The following CDKAL1 variants were observed in gnomAD, a reference collection of about 807,000 sequenced individuals.
CDKAL1 encodes CDKAL1 threonylcarbamoyladenosine tRNA methylthiotransferase.
CDKAL1 carries 32 observed loss-of-function variants against 68.2 expected under a neutral mutation model. That is an observed-to-expected ratio of 0.47 (90% CI 0.35 to 0.63). The LOEUF is 0.63. Ranked by LOEUF, CDKAL1 falls within the 30% of genes least tolerant of loss-of-function variation. The pLI is 0.00. For synonymous variants in CDKAL1, 234 were observed against 244.3 expected (o/e 0.96, Z 0.39); for missense variants, 606 against 696.7 (o/e 0.87, Z 1.47).
intron 10 of CDKAL1, among the ~76,000 whole-genome samples, chr6:20,983,013 T>C (rs1466657107): frequency 6.6e-6 from 1 of 152,204 alleles, no homozygotes; most frequent in Non-Finnish European, 1.5e-5. Flanking sequence ...AATCTCAAGA[T>C]ACTCTGACAA....
At chr6:21,081,693 T>G (rs1261698185) in intron 12 of CDKAL1, among the ~76,000 whole-genome samples, 1 of 151,186 alleles carries the variant, frequency 6.6e-6, no homozygotes, top group Non-Finnish European at 1.5e-5. Flanking sequence ...TGCCTCAGCC[T>G]CCCAAGTAGC....
chr6:20,876,941 T>A (rs1250279514), intron 9 of CDKAL1, among the ~76,000 whole-genome samples: 1 of 152,230 alleles, frequency 6.6e-6, no homozygotes, highest in Non-Finnish European at 1.5e-5. Flanking sequence ...TATTATAAAT[T>A]TAAATGCTAA....
At chr6:20,568,430 A>G (rs987464149) in intron 4 of CDKAL1, among the ~76,000 whole-genome samples, 7 of 152,052 alleles carry the variant, frequency 4.6e-5, no homozygotes, top group Non-Finnish European at 8.8e-5. Flanking sequence ...TAAGGTAAAT[A>G]AAGTACTATA....
In CDKAL1 at chr6:20,539,679, AG is replaced by A. The variant is rs1763312942; in HGVS notation, c.-6+4287del. ...CCTGCATGACTGAGGGGAGCGTGGTAGGAAGTGGGGCCAGAGATGCAGCAGG... is the reference window on the plus strand; with the variant it reads ...CCTGCATGACTGAGGGGAGCGTGGTAGAAGTGGGGCCAGAGATGCAGCAGG... On this transcript the variant is annotated intron_variant, in intron 2 of 15. Transcript: ENST00000274695. This position sits in a 1 kb window ranked among gnomAD's most constrained non-coding sequence, Gnocchi z 4.3. Among the ~76,000 whole-genome samples, 2 of 152,166 alleles carry A rather than the reference AG, an allele frequency of 1.3e-5. No individual in the cohort carries two copies. Among genetic ancestry groups the A allele is most frequent in the Admixed American group, 6.5e-5 (1 of 15,272 alleles).
At chr6:21,150,146 C>T (rs918018512) in intron 13 of CDKAL1, among the ~76,000 whole-genome samples, 1 of 152,212 alleles carries the variant, frequency 6.6e-6, no homozygotes. Flanking sequence ...GCGGGAGCCA[C>T]CGCACCTGGC....
intron 13 of CDKAL1, among the ~76,000 whole-genome samples, chr6:21,154,975 G>A (rs1424767613): frequency 1.3e-5 from 2 of 149,996 alleles, no homozygotes; most frequent in African/African-American, 5.0e-5. Context: ...TGGCCACAGA[G>A]CGAGACTCCG....
intron 10 of CDKAL1, among the ~76,000 whole-genome samples, chr6:20,973,639 C>T (rs1030021322): frequency 6.6e-6 from 1 of 152,196 alleles, no homozygotes; most frequent in Non-Finnish European, 1.5e-5. Flanking sequence ...GGGCCTTGCT[C>T]TGTCACCCAG....
chr6:21,100,158 C>A (rs779975981), intron 12 of CDKAL1, among the ~76,000 whole-genome samples: 1 of 152,070 alleles, frequency 6.6e-6, no homozygotes, highest in African/African-American at 2.4e-5. Context: ...GTTGCAACTT[C>A]CTTCCTCTAA....
At chr6:20,727,367 G>A (rs940146998) in intron 5 of CDKAL1, among the ~76,000 whole-genome samples, 1 of 152,154 alleles carries the variant, frequency 6.6e-6, no homozygotes, top group Non-Finnish European at 1.5e-5. Context: ...TGGATATACA[G>A]GGTTTAACAA....
At chr6:20,538,779 C>T (rs1476585561) in intron 2 of CDKAL1, among the ~76,000 whole-genome samples, 1 of 152,184 alleles carries the variant, frequency 6.6e-6, no homozygotes, top group Non-Finnish European at 1.5e-5. Context: ...GCATTTACTT[C>T]AGCTTCCCAC....
chr6:21,204,837 A>G (rs1260329186), intron 15 of CDKAL1, among the ~76,000 whole-genome samples: 1 of 152,208 alleles, frequency 6.6e-6, no homozygotes, highest in Non-Finnish European at 1.5e-5. Flanking sequence ...ACTCATTTGT[A>G]AGTGTATAGT....
chr6:21,102,972 C>T (rs1164325543), intron 12 of CDKAL1, among the ~76,000 whole-genome samples: 2 of 152,174 alleles, frequency 1.3e-5, no homozygotes, highest in African/African-American at 4.8e-5. Context: ...CTTCTTACCA[C>T]GAAGTATGAT....
chr6:20,635,959 C>A lies in CDKAL1; in HGVS notation c.287-13334C>A, dbSNP rs143786280. ...ATATGGTAGGGTAAAAGAGTGTGATCTAATGGTAGTAAACTGGGGGAAACA... is the reference window on the plus strand; with the variant it reads ...ATATGGTAGGGTAAAAGAGTGTGATATAATGGTAGTAAACTGGGGGAAACA... On this transcript the variant is annotated intron_variant, in intron 4 of 15. Transcript: ENST00000274695. Among the ~76,000 whole-genome samples the A allele has an allele frequency of 5.7e-4, 86 of 152,196 alleles. 1 individual carries two copies. The highest frequency in any genetic ancestry group is 2.0e-3 in the African/African-American group (82 of 41,534).
At chr6:20,897,441 G>A (rs1001925331) in intron 9 of CDKAL1, among the ~76,000 whole-genome samples, 9 of 152,080 alleles carry the variant, frequency 5.9e-5, no homozygotes, top group African/African-American at 1.9e-4. Context: ...GCAAGCCAGA[G>A]TGAGAATGAG....
At chr6:20,789,895 A>G (rs796192596) in intron 8 of CDKAL1, among the ~76,000 whole-genome samples, 51 of 152,286 alleles carry the variant, frequency 3.3e-4, no homozygotes, top group African/African-American at 1.2e-3. Context: ...TATTTATTTC[A>G]TATGTTTGTT....
At chr6:21,104,413 A>G (rs1038200648) in intron 12 of CDKAL1, among the ~76,000 whole-genome samples, 2 of 152,150 alleles carry the variant, frequency 1.3e-5, no homozygotes, top group African/African-American at 4.8e-5. Context: ...GGAAGTAGAC[A>G]TAGTCAGGGA....
intron 9 of CDKAL1, among the ~76,000 whole-genome samples, chr6:20,924,602 T>C (rs1399989791): frequency 6.6e-6 from 1 of 152,218 alleles, no homozygotes; most frequent in Non-Finnish European, 1.5e-5. Context: ...TCTCTTAAGC[T>C]AAAGTCTAAT....
intron 5 of CDKAL1, among the ~76,000 whole-genome samples, chr6:20,688,457 G>A (rs960663561): frequency 2.1e-5 from 3 of 145,406 alleles, no homozygotes; most frequent in South Asian, 4.4e-4. Context: ...TTTTTTCTTT[G>A]TGCTTTTCAG....
intron 8 of CDKAL1, among the ~76,000 whole-genome samples, chr6:20,824,922 T>C (rs1777439218): frequency 6.6e-6 from 1 of 152,222 alleles, no homozygotes; most frequent in Non-Finnish European, 1.5e-5. Context: ...ATGGCATGTT[T>C]GTGATAATTA....
Sources: gnomAD v4.1 joint callset for allele counts (sites outside exome capture counted in the v4.1 genomes callset) on GRCh38, gnomAD v4.1.1 for gene constraint, Gnocchi (gnomAD v3.1) non-coding constraint, MANE v1.5 for transcripts, NCBI Gene and HGNC (gene_info 2026-07-23, HGNC 2026-07-21) for gene names.